ITGA9: variants seen among roughly 807,000 people sequenced by gnomAD.
ITGA9 encodes the protein integrin subunit alpha 9.
In ITGA9, 56 loss-of-function variants were observed where a neutral mutation model predicts 127.8. The observed-to-expected ratio is 0.44, with a 90% CI of 0.35 to 0.55. The LOEUF (loss-of-function observed/expected upper bound fraction) is 0.55. Ranked by LOEUF, ITGA9 falls within the 20% of genes least tolerant of loss-of-function variation. ITGA9 has a pLI of 0.00. For missense variants in ITGA9, 1,196 were observed against 1,347.1 expected (o/e 0.89, Z 1.76); for synonymous variants, 508 against 514.5 (o/e 0.99, Z 0.17).
At chr3:37,667,380 T>C (rs974371895) in intron 17 of ITGA9, among the ~76,000 whole-genome samples, 2 of 152,248 alleles carry the variant, frequency 1.3e-5, no homozygotes, top group African/African-American at 4.8e-5. Context: ...CATTTGGCTT[T>C]ACAGCAAACC....
chr3:37,494,576 T>G lies in ITGA9; in HGVS notation c.612+8T>G. 2 of 1,611,400 alleles carry G rather than the reference T, an allele frequency of 1.2e-6. No homozygotes were observed. Among genetic ancestry groups the G allele is most frequent in the Non-Finnish European group, 1.7e-6 (2 of 1,177,624 alleles). On this transcript the variant is annotated splice_region_variant and intron_variant, in intron 5 of 27. Transcript: ENST00000264741. ...GCGGGCTTCTTCACCGAGGTGGGTG[T>G]CTGCTGTCTGGGCATTTCTGTTCTC...
At chr3:37,752,702 G>A (rs1033867898) in intron 23 of ITGA9, among the ~76,000 whole-genome samples, 2 of 152,236 alleles carry the variant, frequency 1.3e-5, no homozygotes, top group Admixed American at 1.3e-4. Context: ...ACTTGGTTCA[G>A]AATTCATTTA....
chr3:37,471,119 C>T lies in ITGA9; in HGVS notation c.298C>T (p.Leu100=). ...HTNPDRRCTE[L]DMARGKNRGT... Reference sequence around the variant, plus strand: ...CAACCCTGACCGGAGATGCACCGAACTGGACATGGCTCGAGGTGGGTGACC... The same window carrying T: ...CAACCCTGACCGGAGATGCACCGAATTGGACATGGCTCGAGGTGGGTGACC... The change falls in exon 2 of 28, where the codon CTG becomes TTG. Residue 100 remains leucine (L), a synonymous_variant. Coordinates refer to ENST00000264741, the MANE Select transcript of ITGA9 (RefSeq NM_002207.3). 2.5e-6 allele frequency: 4 copies of T among 1,614,048 alleles called. No individual in the cohort carries two copies. Among genetic ancestry groups the T allele is most frequent in the Non-Finnish European group, 3.4e-6 (4 of 1,180,000 alleles).
chr3:37,535,034 G>T (rs1368566888), intron 14 of ITGA9, among the ~76,000 whole-genome samples: 1 of 152,224 alleles, frequency 6.6e-6, no homozygotes, highest in Non-Finnish European at 1.5e-5. Flanking sequence ...CATTTTTAAA[G>T]AATGAAGATT....
intron 1 of ITGA9, among the ~76,000 whole-genome samples, chr3:37,465,902 G>A (rs1220697719): frequency 6.6e-6 from 1 of 152,116 alleles, no homozygotes; most frequent in Non-Finnish European, 1.5e-5. Context: ...CTCCTTTCAG[G>A]CTGATGTGGG....
chr3:37,458,860 A>T, intron 1 of ITGA9, among the ~76,000 whole-genome samples: 1 of 152,234 alleles, frequency 6.6e-6, no homozygotes, highest in Non-Finnish European at 1.5e-5. Context: ...CAGAGAAGTC[A>T]CAGGTGATGG....
chr3:37,542,365 G>A, intron 14 of ITGA9, 60 bp from the exon 15 acceptor site: 1 of 1,562,464 alleles, frequency 6.4e-7, no homozygotes, highest in Non-Finnish European at 8.8e-7. Flanking sequence ...AAGGAAAAGA[G>A]GTGGCCTCAT....
chr3:37,813,333 G>C (rs1203655939), intron 27 of ITGA9, among the ~76,000 whole-genome samples: 1 of 152,174 alleles, frequency 6.6e-6, no homozygotes, highest in Admixed American at 6.5e-5. Flanking sequence ...ATTTGTACTT[G>C]TTAGATCATC....
At chr3:37,575,496 C>T (rs952732387) in intron 15 of ITGA9, among the ~76,000 whole-genome samples, 1 of 152,118 alleles carries the variant, frequency 6.6e-6, no homozygotes, top group Non-Finnish European at 1.5e-5. Flanking sequence ...AACCTCTTTA[C>T]CCAAGTTGTC....
Position 37,530,237 on chromosome 3 carries a change from C to T in ITGA9, c.1374-3077C>T, listed in dbSNP as rs1365537570. Among the ~76,000 whole-genome samples the T allele has an allele frequency of 2.6e-5, 4 of 152,242 alleles. No homozygotes were observed. The East Asian group carries it at 7.7e-4, about 29-fold the overall frequency. On this transcript the variant is annotated intron_variant, in intron 13 of 27. Transcript: ENST00000264741. Reference sequence around the variant, plus strand: ...AGCAGCAGTGAAGGCCTGGAGGCATCAGCTGGCTATGTTAAGTAGGGGCTT... The same window carrying T: ...AGCAGCAGTGAAGGCCTGGAGGCATTAGCTGGCTATGTTAAGTAGGGGCTT...
chr3:37,734,126 G>C (rs549772209), intron 19 of ITGA9, among the ~76,000 whole-genome samples: 2 of 152,222 alleles, frequency 1.3e-5, no homozygotes, highest in Non-Finnish European at 2.9e-5. Flanking sequence ...TGACTCCTCG[G>C]ATTTTTTTCT....
Position 37,743,994 on chromosome 3 carries a change from A to C in ITGA9, c.2393A>C (p.Asp798Ala). Residue 798 changes from aspartate to alanine, a missense_variant, in exon 22 of 28, where the codon GAC (aspartate) becomes GCC (alanine). Coordinates refer to ENST00000264741, the MANE Select transcript of ITGA9 (RefSeq NM_002207.3). ...VDAANFIQLD[D>A]LECHFQPINI... The stretch of plus-strand genomic sequence containing the variant: ...GCAGCCAACTTCATTCAGCTGGATG[A>C]CCTGGAGTGTCACTTTCAGCCCATC... 1 of 1,614,098 alleles carries C rather than the reference A, an allele frequency of 6.2e-7. No homozygotes were observed. Among genetic ancestry groups the C allele is most frequent in the Middle Eastern group, 1.7e-4 (1 of 6,060 alleles).
At chr3:37,476,343 A>G (rs1698493976) in intron 3 of ITGA9, among the ~76,000 whole-genome samples, 1 of 152,016 alleles carries the variant, frequency 6.6e-6, no homozygotes, top group Admixed American at 6.6e-5. Flanking sequence ...CGTCCTTGCC[A>G]ACATTTATTG....
At chr3:37,698,874 G>A (rs4678585) in intron 18 of ITGA9, among the ~76,000 whole-genome samples, 2,988 of 152,272 alleles carry the variant, frequency 0.02, 186 homozygotes, top group Admixed American at 0.12. Context: ...ATTCTGGTGT[G>A]TAATTGTGTT....
Position 37,542,708 on chromosome 3 carries a change from G to A in ITGA9, c.1689+123G>A, listed in dbSNP as rs1699286733. ...TTCCAAAATTTTATTTCACAGGGAG[G>A]AGCATATCCATTTCTTCTTTTCTTT... is the stretch of plus-strand genomic sequence containing the variant. On this transcript the variant is annotated intron_variant, in intron 15 of 27. Transcript: ENST00000264741. The A allele has an allele frequency of 3.8e-5, 36 of 958,898 alleles. 1 individual carries two copies. In the South Asian group the frequency reaches 5.0e-4, roughly 13 times the overall value. 59.4% of individuals were successfully genotyped at this position (958,898 alleles called of 1,614,324 possible). A position where few individuals can be genotyped will look rare whatever the true frequency, so the allele number is the denominator to read the frequency against.
chr3:37,646,039 T>A (rs1262583503), intron 16 of ITGA9, among the ~76,000 whole-genome samples: 2 of 152,192 alleles, frequency 1.3e-5, no homozygotes, highest in African/African-American at 4.8e-5. Context: ...TTACTCTGAC[T>A]CAGAGGAAAA....
chr3:37,530,133 G>A (rs1387848720), intron 13 of ITGA9, among the ~76,000 whole-genome samples: 1 of 152,206 alleles, frequency 6.6e-6, no homozygotes, highest in East Asian at 1.9e-4. Flanking sequence ...CAGGCAAAGG[G>A]GTTGCTGAGC....
intron 17 of ITGA9, among the ~76,000 whole-genome samples, chr3:37,672,186 A>T (rs949288389): frequency 6.6e-6 from 1 of 152,172 alleles, no homozygotes; most frequent in Non-Finnish European, 1.5e-5. Context: ...AGTGGTGCCA[A>T]GGTAGGGCAG....
In ITGA9 at chr3:37,750,441, G is replaced by A. The variant is rs757447223; in HGVS notation, c.2434-21G>A. 3 of 1,407,410 alleles carry A rather than the reference G, an allele frequency of 2.1e-6. No individual in the cohort carries two copies. In the Admixed American group the frequency reaches 5.0e-5, roughly 24 times the overall value. 87.2% of individuals were successfully genotyped at this position (1,407,410 alleles called of 1,614,324 possible). The stretch of plus-strand genomic sequence containing the variant: ...CTGCTATTTTCCACTGAGACTTGCT[G>A]TGTGTGTTCCACACCCACAGGTCTA... On this transcript the variant is annotated intron_variant, in intron 22 of 27. Coordinates refer to ENST00000264741, the MANE Select transcript of ITGA9 (RefSeq NM_002207.3).
Sources: allele counts gnomAD v4.1 joint callset (sites outside exome capture counted in the v4.1 genomes callset), GRCh38; gene constraint gnomAD v4.1.1; transcripts MANE v1.5; gene names NCBI Gene and HGNC (gene_info 2026-07-23, HGNC 2026-07-21).